CNTN5: variants seen among roughly 807,000 people sequenced by gnomAD.
CNTN5 encodes contactin-5.
CNTN5 carries 77 observed loss-of-function variants against 129.1 expected under a neutral mutation model. The ratio of observed to expected loss-of-function variants is 0.60; its 90% CI spans 0.50 to 0.72. The LOEUF is 0.72. Among genes scored for constraint, CNTN5 ranks in the 30% least tolerant of loss-of-function variants. CNTN5 has a pLI of 0.00. For missense variants in CNTN5, 1,478 were observed against 1,328.8 expected, an observed-to-expected ratio of 1.11 and a Z score of -1.75; for synonymous variants, 509 against 465.6, an observed-to-expected ratio of 1.09 and a Z score of -1.20.
At chr11:100,044,209 C>T (rs189779160) in intron 9 of CNTN5, among the ~76,000 whole-genome samples, 1 of 151,668 alleles carries the variant, frequency 6.6e-6, no homozygotes, top group African/African-American at 2.4e-5. Context: ...ATAACATTTT[C>T]TTTAATTTCC....
chr11:100,347,959 A>G (rs533045454), intron 23 of CNTN5, among the ~76,000 whole-genome samples: 199 of 152,198 alleles, frequency 1.3e-3, no homozygotes, highest in African/African-American at 4.6e-3. Flanking sequence ...AACATATAGA[A>G]TAGCCATTTT....
chr11:99,302,069 A>C (rs1864667977), intron 1 of CNTN5, among the ~76,000 whole-genome samples: 1 of 151,752 alleles, frequency 6.6e-6, no homozygotes, highest in South Asian at 2.1e-4. Flanking sequence ...CTTGTCGGAT[A>C]CATTTGTAGC....
At chr11:99,656,056 G>C (rs1952351609) in intron 3 of CNTN5, among the ~76,000 whole-genome samples, 2 of 152,160 alleles carry the variant, frequency 1.3e-5, no homozygotes, top group South Asian at 4.1e-4. Flanking sequence ...ATAGGTATAA[G>C]TGTGTGTACA....
intron 2 of CNTN5, among the ~76,000 whole-genome samples, chr11:99,414,317 C>G (rs1942540276): frequency 6.6e-6 from 1 of 152,072 alleles, no homozygotes; most frequent in Non-Finnish European, 1.5e-5. Flanking sequence ...TGGTGATGCT[C>G]TTTCTCTGCC....
chr11:99,793,534 C>G (rs1313384541), intron 3 of CNTN5, among the ~76,000 whole-genome samples: 3 of 152,190 alleles, frequency 2.0e-5, no homozygotes, highest in Admixed American at 2.0e-4. Context: ...TGAGATCTTG[C>G]TAAATTTTTC....
At chr11:99,660,632 A>C (rs1444885694) in intron 3 of CNTN5, among the ~76,000 whole-genome samples, 1 of 152,102 alleles carries the variant, frequency 6.6e-6, no homozygotes, top group Non-Finnish European at 1.5e-5. Context: ...TTTTTGGTAG[A>C]GCCAGCATGA....
intron 3 of CNTN5, among the ~76,000 whole-genome samples, chr11:99,628,548 A>C (rs2135791298): frequency 1.3e-5 from 2 of 151,702 alleles, no homozygotes; most frequent in Middle Eastern, 3.4e-3. Context: ...AACGTGTATA[A>C]AAATCTGAAT....
At chr11:99,240,497 A>G (rs1861491758) in intron 1 of CNTN5, among the ~76,000 whole-genome samples, 1 of 152,150 alleles carries the variant, frequency 6.6e-6, no homozygotes, top group Non-Finnish European at 1.5e-5. Context: ...TTTCAGGGCT[A>G]TCTCTGGCCT....
chr11:99,328,802 G>A (rs977886241), intron 2 of CNTN5, among the ~76,000 whole-genome samples: 4 of 148,980 alleles, frequency 2.7e-5, no homozygotes, highest in South Asian at 2.1e-4. Context: ...CCCAGGAGGC[G>A]GAGGTTGCAG....
chr11:100,296,620 A>G (rs1412177551), intron 18 of CNTN5, among the ~76,000 whole-genome samples: 2 of 151,570 alleles, frequency 1.3e-5, no homozygotes, highest in African/African-American at 4.8e-5. Context: ...ATTTATTTCA[A>G]TGGAGCCAAT....
intron 3 of CNTN5, among the ~76,000 whole-genome samples, chr11:99,634,449 A>ATGGTCTTGATCTCCTGACCTCGT (rs1555055715): frequency 6.6e-6 from 1 of 152,164 alleles, no homozygotes; most frequent in Non-Finnish European, 1.5e-5. Context: ...AAAGGTAGAG[A>ATGGTCTTGATCTCCTGACCTCGT]GGGAAGACTG....
chr11:99,668,640 A>G (rs1056406124), intron 3 of CNTN5, among the ~76,000 whole-genome samples: 1 of 152,166 alleles, frequency 6.6e-6, no homozygotes, highest in Non-Finnish European at 1.5e-5. Context: ...TCATATAACC[A>G]TTATCTGTCT....
intron 3 of CNTN5, among the ~76,000 whole-genome samples, chr11:99,622,075 A>G (rs1950969333): frequency 2.0e-5 from 3 of 152,222 alleles, no homozygotes; most frequent in South Asian, 2.1e-4. Flanking sequence ...ACACCTCCCC[A>G]TACCAAGGCA....
Position 99,565,017 on chromosome 11 carries a change from C to T in CNTN5, c.55+8748C>T, listed in dbSNP as rs184944065. Among the ~76,000 whole-genome samples, 5 of 152,232 alleles carry T rather than the reference C, an allele frequency of 3.3e-5. No individual in the cohort carries two copies. The East Asian group carries it at 9.6e-4, about 29-fold the overall frequency. ...TTCTAATTTCTTTATAAGTATTTAA[C>T]ATTTCAATAAGTATATCACAATAAT... On this transcript the variant is annotated intron_variant, in intron 3 of 24. Transcript: ENST00000524871.
At chr11:100,149,202 A>T (rs1946962105) in intron 13 of CNTN5, among the ~76,000 whole-genome samples, 1 of 151,984 alleles carries the variant, frequency 6.6e-6, no homozygotes, top group African/African-American at 2.4e-5. Context: ...AACTAATTTC[A>T]TTCATTTTCT....
intron 2 of CNTN5, among the ~76,000 whole-genome samples, chr11:99,458,904 AGTTTT>A (rs1944589454): frequency 6.6e-6 from 1 of 152,006 alleles, no homozygotes; most frequent in African/African-American, 2.4e-5. Flanking sequence ...AATTGCAAGA[AGTTTT>A]GTGCCATCTG....
intron 8 of CNTN5, among the ~76,000 whole-genome samples, chr11:99,994,916 G>C (rs1397856492): frequency 6.6e-6 from 1 of 152,162 alleles, no homozygotes; most frequent in Admixed American, 6.6e-5. Context: ...ACATGAAGAG[G>C]AAGTAAAAGA....
chr11:99,832,848 T>C (rs1947187350), intron 4 of CNTN5, among the ~76,000 whole-genome samples: 2 of 152,214 alleles, frequency 1.3e-5, no homozygotes, highest in African/African-American at 4.8e-5. Flanking sequence ...TAGTTTACAT[T>C]ACATGAATAA....
Position 99,751,374 on chromosome 11 carries a change from G to A in CNTN5, c.56-68170G>A, listed in dbSNP as rs188924638. 5.6e-4 allele frequency among the ~76,000 whole-genome samples: 85 copies of A among 152,046 alleles called. No individual in the cohort carries two copies. The East Asian group carries it at 0.016, about 29-fold the overall frequency. On this transcript the variant is annotated intron_variant, in intron 3 of 24. Transcript: ENST00000524871. Reference sequence around the variant, plus strand: ...TAATTAATTCAAAAATAAAAAATAAGGCTTACATGGGACAAGATTACAGTT... The same window carrying A: ...TAATTAATTCAAAAATAAAAAATAAAGCTTACATGGGACAAGATTACAGTT...
Sources: allele counts gnomAD v4.1 joint callset (sites outside exome capture counted in the v4.1 genomes callset), GRCh38; gene constraint gnomAD v4.1.1; transcripts MANE v1.5; gene names NCBI Gene and HGNC (gene_info 2026-07-23, HGNC 2026-07-21).